Variants in LINGO1 observed in about 807,000 individuals in gnomAD.
LINGO1 encodes leucine rich repeat and Ig domain containing 1.
In LINGO1, 11 loss-of-function variants were observed where a neutral mutation model predicts 37.3. The observed-to-expected ratio is 0.29, with a 90% CI of 0.19 to 0.49. The LOEUF (loss-of-function observed/expected upper bound fraction) is 0.49. LINGO1 is among the 20% of genes least tolerant of loss of function. The pLI, the probability that LINGO1 is intolerant of heterozygous loss-of-function variation, is 0.99. For synonymous variants in LINGO1, 387 were observed against 403.0 expected, an observed-to-expected ratio of 0.96 and a Z score of 0.48; for missense variants, 585 against 878.2, an observed-to-expected ratio of 0.67 and a Z score of 4.22.
At position 77,794,320 on chromosome 15, in the gene LINGO1, ACATACATATATG is replaced by A. The variant is rs1372279791; in HGVS notation, c.-343+1607_-343+1618del. ...TATATATATACATATATGTGTATAT[ACATACATATATG>A]TATATACATACATATATACGTATAT... On this transcript the variant is annotated intron_variant, in intron 2 of 5. Coordinates refer to the LINGO1 transcript ENST00000562933. Among the ~76,000 whole-genome samples the A allele has an allele frequency of 5.3e-3, 686 of 130,328 alleles. 81 individuals carry two copies. Among genetic ancestry groups the A allele is most frequent in the African/African-American group, 0.016 (603 of 37,740 alleles). 85.5% of individuals were successfully genotyped at this position (130,328 alleles called of 152,430 possible). A position where few individuals can be genotyped will look rare whatever the true frequency, so the allele number is the denominator to read the frequency against.
chr15:77,672,791 T>C (rs1454731723), intron 3 of LINGO1, among the ~76,000 whole-genome samples: 4 of 152,212 alleles, frequency 2.6e-5, no homozygotes, highest in Non-Finnish European at 5.9e-5. Context: ...TTAGAGCTCC[T>C]GTTGTCCCCG....
chr15:77,713,172 A>C, intron 2 of LINGO1, among the ~76,000 whole-genome samples: 1 of 150,404 alleles, frequency 6.6e-6, no homozygotes, highest in Non-Finnish European at 1.5e-5. Context: ...CCTCCCAAAT[A>C]GCTGGGATTA....
At chr15:77,669,424 C>T (rs1239795340) in intron 3 of LINGO1, among the ~76,000 whole-genome samples, 1 of 152,208 alleles carries the variant, frequency 6.6e-6, no homozygotes, top group East Asian at 1.9e-4. Context: ...CTCGCTAGCC[C>T]ATCGAGGTGT....
At chr15:77,761,320 T>C (rs1249965545) in intron 1 of LINGO1, among the ~76,000 whole-genome samples, 1 of 152,108 alleles carries the variant, frequency 6.6e-6, no homozygotes, top group Non-Finnish European at 1.5e-5. Context: ...CACCACCAAA[T>C]TGTGAACACA....
At chr15:77,689,249 ACCAGCCCCCAGGCTGGCTG>A (rs548331658) in intron 2 of LINGO1, among the ~76,000 whole-genome samples, 30 of 152,078 alleles carry the variant, frequency 2.0e-4, no homozygotes, top group Non-Finnish European at 2.5e-4. Flanking sequence ...CCATCCCATC[ACCAGCCCCCAGGCTGGCTG>A]CCAGCCCCCT....
chr15:77,628,845 A>T (rs2074170060), intron 1 of LINGO1, among the ~76,000 whole-genome samples: 1 of 152,168 alleles, frequency 6.6e-6, no homozygotes, highest in African/African-American at 2.4e-5. Flanking sequence ...ACAGCAAGTC[A>T]CTCGCCACCT....
intron 1 of LINGO1, among the ~76,000 whole-genome samples, chr15:77,766,747 T>C (rs1347716661): frequency 6.6e-6 from 1 of 152,248 alleles, no homozygotes; most frequent in East Asian, 1.9e-4. Flanking sequence ...TGCAGAACTA[T>C]GAGTCAATTA....
At chr15:77,631,699 A>C (rs1024940375) in intron 1 of LINGO1, among the ~76,000 whole-genome samples, 2 of 152,236 alleles carry the variant, frequency 1.3e-5, no homozygotes, top group Non-Finnish European at 2.9e-5. Context: ...CTGAACGCAG[A>C]CAAAGGGGAG....
chr15:77,647,261 C>A (rs1422567794), intron 3 of LINGO1, among the ~76,000 whole-genome samples: 2 of 152,086 alleles, frequency 1.3e-5, no homozygotes, highest in Non-Finnish European at 2.9e-5. Flanking sequence ...TGTCCTGCCC[C>A]TGACAGGAGA....
intron 1 of LINGO1, among the ~76,000 whole-genome samples, chr15:77,753,314 C>T (rs973128964): frequency 7.2e-5 from 11 of 152,196 alleles, no homozygotes; most frequent in Admixed American, 1.3e-4. Flanking sequence ...GCTAAGCTTC[C>T]GTGGGCCCTT....
rs201517725 is a variant in LINGO1 at position 77,615,216 on chromosome 15, G to T, written c.691C>A (p.Arg231=). ...RLRHLNINAI[R]DYSFKRLYRL... Reference sequence around the variant, plus strand: ...TACAGCCTCTTGAAGGAGTAGTCCCGGATGGCATTGATGTTGAGGTGCCGG... The same window carrying T: ...TACAGCCTCTTGAAGGAGTAGTCCCTGATGGCATTGATGTTGAGGTGCCGG... The change falls in exon 2 of 2, where the codon CGG becomes AGG. Residue 231 remains arginine, a synonymous_variant. Transcript: ENST00000355300. 1 of 1,613,580 alleles carries T rather than the reference G, an allele frequency of 6.2e-7. No individual in the cohort carries two copies. The highest frequency in any genetic ancestry group is 1.3e-5 in the African/African-American group (1 of 74,916).
chr15:77,720,395 C>T (rs576180702), intron 2 of LINGO1, among the ~76,000 whole-genome samples: 17 of 152,348 alleles, frequency 1.1e-4, no homozygotes, highest in African/African-American at 3.4e-4. Flanking sequence ...TCCGCCCCCA[C>T]GTGTGTGAGC....
At chr15:77,795,050 G>A (rs1254443575) in intron 2 of LINGO1, among the ~76,000 whole-genome samples, 1 of 152,104 alleles carries the variant, frequency 6.6e-6, no homozygotes, top group Non-Finnish European at 1.5e-5. Flanking sequence ...TGAAAAATGA[G>A]GACAATACGC....
At chr15:77,761,313 C>T (rs1018015351) in intron 1 of LINGO1, among the ~76,000 whole-genome samples, 1 of 152,060 alleles carries the variant, frequency 6.6e-6, no homozygotes, top group Non-Finnish European at 1.5e-5. Context: ...AGGGACCCAC[C>T]ACCAAATTGT....
At chr15:77,698,805 G>T (rs34164838), upstream of LINGO1, among the ~76,000 whole-genome samples, 1 of 152,118 alleles carries the variant, frequency 6.6e-6, no homozygotes, top group Admixed American at 6.5e-5. Context: ...GGGTCGGGTG[G>T]GCACAGCAGG....
intron 2 of LINGO1, among the ~76,000 whole-genome samples, chr15:77,711,475 C>A (rs530522141): frequency 1.3e-5 from 2 of 152,290 alleles, no homozygotes; most frequent in African/African-American, 4.8e-5. Context: ...AGGCCTGCAT[C>A]CTGCTTCCTT....
At chr15:77,796,868 A>T (rs1325549009) in intron 1 of LINGO1, among the ~76,000 whole-genome samples, 1 of 152,062 alleles carries the variant, frequency 6.6e-6, no homozygotes. Flanking sequence ...GTGTATCACC[A>T]CACCTGGCTA....
chr15:77,734,860 T>C (rs1476386035), intron 2 of LINGO1: 1 of 151,896 alleles, frequency 6.6e-6, no homozygotes, highest in Non-Finnish European at 1.5e-5. Context: ...CCCAGGAACA[T>C]GGCTGGGGAA....
At chr15:77,796,325 C>T (rs761642054) in intron 1 of LINGO1, among the ~76,000 whole-genome samples, 44 of 152,202 alleles carry the variant, frequency 2.9e-4, no homozygotes, top group Non-Finnish European at 5.4e-4. Flanking sequence ...CACACACACA[C>T]TCATGGCACT....
Sources: allele counts gnomAD v4.1 joint callset (sites outside exome capture counted in the v4.1 genomes callset), GRCh38; gene constraint gnomAD v4.1.1; transcripts MANE v1.5; gene names NCBI Gene and HGNC (gene_info 2026-07-23, HGNC 2026-07-21).